JAG1: variants seen among roughly 807,000 people sequenced by gnomAD.
The protein encoded by JAG1 is protein jagged-1.
Under a neutral mutation model 148.7 loss-of-function variants are expected in JAG1, and 23 were observed. The observed-to-expected ratio is 0.15, with a 90% CI of 0.11 to 0.22. JAG1 has a LOEUF of 0.22. JAG1 is among the 10% of genes least tolerant of loss of function. The probability of loss-of-function intolerance (pLI) is 1.00; values close to 1 mark genes in which losing one functional copy is unlikely to be tolerated. For synonymous variants in JAG1, 572 were observed against 598.3 expected (o/e 0.96, Z 0.64); for missense variants, 1,054 against 1,611.2 (o/e 0.65, Z 5.92).
At chr20:10,653,088 C>T (rs916745351) in intron 5 of JAG1, among the ~76,000 whole-genome samples, 5 of 151,906 alleles carry the variant, frequency 3.3e-5, no homozygotes, top group East Asian at 3.9e-4. Context: ...AACTGCCTCA[C>T]GATGACGCTT....
chr20:10,649,442 T>G (rs570792604), intron 10 of JAG1, 80 bp downstream of exon 10: 8 of 873,022 alleles, frequency 9.2e-6, no homozygotes, highest in South Asian at 6.9e-5. Flanking sequence ...GCTCAAGTCC[T>G]AGGACTGGAG....
rs541873797 is a variant in JAG1 at position 10,663,629 on chromosome 20, T to C, written c.439+334A>G. Among the ~76,000 whole-genome samples the C allele has an allele frequency of 3.3e-5, 5 of 152,368 alleles. No homozygotes were observed. In the East Asian group the frequency reaches 9.6e-4, roughly 29 times the overall value. On this transcript the variant is annotated intron_variant, in intron 3 of 25. Transcript: ENST00000254958. ...ACACTCACTTAAAGTTTAAATGGAC[T>C]TTTAAAAAGTCACTACTTTGATCCT...
Position 10,644,919 on chromosome 20 carries a change from C to A in JAG1, c.2288G>T (p.Gly763Val). The A allele has an allele frequency of 1.9e-6, 3 of 1,614,160 alleles. No individual in the cohort carries two copies. Among genetic ancestry groups the A allele is most frequent in the Non-Finnish European group, 2.5e-6 (3 of 1,180,018 alleles). Residue 763 changes from glycine (G) to valine (V), a missense_variant, in exon 18 of 26, where the codon GGC becomes GTC. Transcript: ENST00000254958. Reference sequence around the variant, plus strand: ...CTTGCAGACGCACGTAAAGGACTCGCCGTTGACCACACATGTGCCCCCATT... The same window carrying A: ...CTTGCAGACGCACGTAAAGGACTCGACGTTGACCACACATGTGCCCCCATT... ...CHNGGTCVVN[G>V]ESFTCVCKEG...
At chr20:10,672,070 C>A (rs993138902) in intron 2 of JAG1, among the ~76,000 whole-genome samples, 1 of 152,086 alleles carries the variant, frequency 6.6e-6, no homozygotes, top group Non-Finnish European at 1.5e-5. Context: ...GGGCCAGCAG[C>A]GGGCGGGGGT....
At chr20:10,668,114 A>G (rs1173710721) in intron 2 of JAG1, among the ~76,000 whole-genome samples, 31 of 132,992 alleles carry the variant, frequency 2.3e-4, no homozygotes, top group African/African-American at 9.0e-4. Context: ...AAAAAAAAAA[A>G]AACAGCAGTC....
chr20:10,663,918 A>G (rs368861856), intron 3 of JAG1, 45 bp downstream of exon 3: 1 of 1,540,858 alleles, frequency 6.5e-7, no homozygotes, highest in Non-Finnish European at 9.0e-7. Flanking sequence ...CAAGCCCCAC[A>G]CTTCCACGTG....
chr20:10,642,517 G>A lies in JAG1; in HGVS notation c.2543C>T (p.Pro848Leu), dbSNP rs2067279892. Residue 848 changes from proline to leucine, a missense_variant, in exon 21 of 26, where the codon CCA becomes CTA. Coordinates refer to ENST00000254958, the MANE Select transcript of JAG1 (RefSeq NM_000214.3). The stretch of plus-strand genomic sequence containing the variant: ...CTGGCACTTGGCACCACTGTGCCCT[G>A]GAGGGCAGACACACCGGTAGCCATT... ...EINGYRCVCP[P>L]GHSGAKCQEV... The A allele has an allele frequency of 5.0e-6, 8 of 1,611,442 alleles. No homozygotes were observed. The highest frequency in any genetic ancestry group is 6.8e-6 in the Non-Finnish European group (8 of 1,177,586).
chr20:10,672,760 T>C lies in JAG1; in HGVS notation c.328A>G (p.Lys110Glu), dbSNP rs1303366707. The C allele has an allele frequency of 6.2e-7, 1 of 1,612,998 alleles. No individual in the cohort carries two copies. Residue 110 changes from lysine to glutamate, a missense_variant, in exon 2 of 26, where the codon AAG (lysine) becomes GAG (glutamate). Physicochemically the swap from Lys to Glu is moderately conservative, Grantham distance 56 (BLOSUM62 1). Transcript: ENST00000254958. Reference protein sequence around the residue: ...PVIGGNTFNLKASRGNDRNRI... With the variant: ...PVIGGNTFNLEASRGNDRNRI... Reference sequence around the variant, plus strand: ...TTGCGGTCGTTGCCGCGGCTGGCCTTGAGGTTGAAGGTGTTGCCCCCGATG... The same window carrying C: ...TTGCGGTCGTTGCCGCGGCTGGCCTCGAGGTTGAAGGTGTTGCCCCCGATG...
chr20:10,650,417 G>T, intron 8 of JAG1, 57 bp from the exon 9 acceptor site: 1 of 992,906 alleles, frequency 1.0e-6, no homozygotes, highest in Admixed American at 1.9e-5. Context: ...CTGACAATTA[G>T]ATCCTTTAAC....
chr20:10,638,650 T>C lies in JAG1; in HGVS notation c.*848A>G, dbSNP rs1476115300. 2 of 152,620 alleles carry C rather than the reference T, an allele frequency of 1.3e-5. No individual in the cohort carries two copies. The highest frequency in any genetic ancestry group is 1.5e-5 in the Non-Finnish European group (1 of 68,038). 9.5% of individuals were successfully genotyped at this position (152,620 alleles called of 1,614,324 possible). A position where few individuals can be genotyped will look rare whatever the true frequency, so the allele number is the denominator to read the frequency against. On this transcript the variant is annotated 3_prime_UTR_variant, in exon 26 of 26. Coordinates refer to ENST00000254958, the MANE Select transcript of JAG1 (RefSeq NM_000214.3). ...AACATCTGACGTCGTACAAAAAAATTCCATCAGTATTCTGGGCACAGAAGC... is the reference window on the plus strand; with the variant it reads ...AACATCTGACGTCGTACAAAAAAATCCCATCAGTATTCTGGGCACAGAAGC...
chr20:10,648,746 G>T, intron 11 of JAG1, 24 bp from the exon 12 acceptor site: 2 of 1,610,574 alleles, frequency 1.2e-6, no homozygotes, highest in Non-Finnish European at 1.7e-6. Context: ...AGGGGAGAGA[G>T]AGACACATGC....
At chr20:10,652,063 G>A in intron 7 of JAG1, 68 bp downstream of exon 7, 1 of 1,553,550 alleles carries the variant, frequency 6.4e-7, no homozygotes, top group Non-Finnish European at 8.9e-7. Context: ...AAGTCCTTAA[G>A]TATATTTTTT....
Position 10,639,319 on chromosome 20 carries a change from G to A in JAG1, c.*179C>T, listed in dbSNP as rs2067253690. On this transcript the variant is annotated 3_prime_UTR_variant, in exon 26 of 26. Coordinates refer to ENST00000254958, the MANE Select transcript of JAG1 (RefSeq NM_000214.3). ...GCTTTTTGCATAGCTGTGAGATGCG[G>A]CACTCGATTTCCCAGCCAACCACAG... The A allele has an allele frequency of 1.4e-6, 1 of 701,854 alleles. No homozygotes were observed. The allele number at this position is 701,854 out of a possible 1,614,324, so 43.5% of individuals were successfully genotyped here.
rs546984480 is a variant in JAG1 at position 10,641,547 on chromosome 20, C to T, written c.2829G>A (p.Pro943=). The T allele has an allele frequency of 2.2e-5, 35 of 1,614,172 alleles. No homozygotes were observed. Among genetic ancestry groups the T allele is most frequent in the Admixed American group, 1.0e-4 (6 of 60,032 alleles). Residue 943 remains proline, a synonymous_variant, in exon 23 of 26, where the codon CCG becomes CCA. Transcript: ENST00000254958. ...AGTCAGAGGTGCACTTTGTCTTCACCGGCTGGAGACTGGAAGACCGACACT... is the reference window on the plus strand; with the variant it reads ...AGTCAGAGGTGCACTTTGTCTTCACTGGCTGGAGACTGGAAGACCGACACT... ...VGECRSSSLQ[P]VKTKCTSDSY...
rs1366697758 is a variant in JAG1 at position 10,645,246 on chromosome 20, C to T, written c.2124G>A (p.Gln708=). The T allele has an allele frequency of 1.2e-6, 2 of 1,613,768 alleles. No homozygotes were observed. Among genetic ancestry groups the T allele is most frequent in the African/African-American group, 1.3e-5 (1 of 74,922 alleles). The part of the protein sequence containing the change: ...KGKTCHSRDS[Q]CDEATCNNGG... ...CGTTGTTGCACGTGGCCTCATCACA[C>T]TGACTGTCACCTGGAGGAAAATATT... The change falls in exon 17 of 26, where the codon CAG becomes CAA. Residue 708 remains glutamine (Q), a synonymous_variant. Transcript: ENST00000254958. The surrounding 1 kb of genome is among the most constrained non-coding windows in gnomAD (Gnocchi z 6.1).
In JAG1 at chr20:10,647,185, A is replaced by G. The variant is rs558666766; in HGVS notation, c.1721-82T>C. 1.7e-5 allele frequency: 26 copies of G among 1,543,276 alleles called. No homozygotes were observed. In the Middle Eastern group the frequency reaches 5.4e-4, roughly 32 times the overall value. On this transcript the variant is annotated intron_variant, in intron 13 of 25. Coordinates refer to ENST00000254958, the MANE Select transcript of JAG1 (RefSeq NM_000214.3). The stretch of plus-strand genomic sequence containing the variant: ...TAAGCCAAGGGCCTGGGCCAAGCCC[A>G]CTTTCCTGGAGACAGGGACCCTCTG...
chr20:10,645,872 C>A lies in JAG1; in HGVS notation c.1999+99G>T. 2 of 868,578 alleles carry A rather than the reference C, an allele frequency of 2.3e-6. No individual in the cohort carries two copies. The highest frequency in any genetic ancestry group is 4.0e-6 in the Non-Finnish European group (2 of 503,416). The allele number at this position is 868,578 out of a possible 1,614,324, so 53.8% of individuals were successfully genotyped here. The stretch of plus-strand genomic sequence containing the variant: ...GCAGAAATCACTGCGGTCTTGCTTC[C>A]AGAGATTTCCAGTACAAAGAAAGTT... On this transcript the variant is annotated intron_variant, in intron 15 of 25. Transcript: ENST00000254958. The surrounding 1 kb of genome is among the most constrained non-coding windows in gnomAD (Gnocchi z 6.1).
In JAG1 at chr20:10,644,398, A is replaced by C. The variant is rs1300604943; in HGVS notation, c.2345-14T>G. The C allele has an allele frequency of 3.7e-6, 6 of 1,611,460 alleles. No homozygotes were observed. The highest frequency in any genetic ancestry group is 5.1e-6 in the Non-Finnish European group (6 of 1,177,814). ...AGTCATTGGTATCTGCAAAGAAAAG[A>C]CAACTTAATAGTGAGGACTTCAACA... is the stretch of plus-strand genomic sequence containing the variant. On this transcript the variant is annotated splice_polypyrimidine_tract_variant and intron_variant, in intron 18 of 25. Coordinates refer to ENST00000254958, the MANE Select transcript of JAG1 (RefSeq NM_000214.3).
intron 25 of JAG1, 36 bp from the exon 26 acceptor site, chr20:10,639,991 G>C (rs748053499): frequency 1.3e-6 from 2 of 1,507,126 alleles, no homozygotes; most frequent in South Asian, 2.3e-5. Flanking sequence ...AACTCTCCAA[G>C]AAAGAAAGAA....
Sources: gnomAD v4.1 joint callset for allele counts (sites outside exome capture counted in the v4.1 genomes callset) on GRCh38, gnomAD v4.1.1 for gene constraint, Gnocchi (gnomAD v3.1) non-coding constraint, MANE v1.5 for transcripts, NCBI Gene and HGNC (gene_info 2026-07-23, HGNC 2026-07-21) for gene names.